Variants in ZPBP observed in about 807,000 individuals in gnomAD.
The protein encoded by ZPBP is zona pellucida-binding protein 1.
Under a neutral mutation model 44.8 loss-of-function variants are expected in ZPBP, and 26 were observed. That is an observed-to-expected ratio of 0.58 (90% CI 0.43 to 0.81). The LOEUF is 0.81. Among genes scored for constraint, ZPBP ranks in the 30% least tolerant of loss-of-function variants. The probability of loss-of-function intolerance (pLI) is 0.00; values close to 1 mark genes in which losing one functional copy is unlikely to be tolerated. For missense variants in ZPBP, 409 were observed against 434.0 expected (o/e 0.94, Z 0.51); for synonymous variants, 174 against 153.2 (o/e 1.14, Z -1.00).
At chr7:49,956,572 GAATCTAAC>G (rs1484700107) in intron 7 of ZPBP, among the ~76,000 whole-genome samples, 8 of 151,716 alleles carry the variant, frequency 5.3e-5, no homozygotes, top group African/African-American at 1.7e-4. Context: ...ATAACTACAT[GAATCTAAC>G]AACCATGTAT....
intron 7 of ZPBP, among the ~76,000 whole-genome samples, chr7:49,954,793 G>A (rs547917841): frequency 1.4e-4 from 22 of 152,144 alleles, no homozygotes; most frequent in African/African-American, 4.3e-4. Context: ...CAAACATTCC[G>A]TTCTCAAAAA....
At chr7:49,893,297 G>A (rs1406448623) in intron 2 of ZPBP, among the ~76,000 whole-genome samples, 1 of 152,192 alleles carries the variant, frequency 6.6e-6, no homozygotes, top group African/African-American at 2.4e-5. Context: ...GGAAGGAAGA[G>A]TATAAACTAC....
intron 7 of ZPBP, among the ~76,000 whole-genome samples, chr7:49,952,674 A>T (rs1317143354): frequency 6.6e-6 from 1 of 152,014 alleles, no homozygotes; most frequent in Non-Finnish European, 1.5e-5. Context: ...ATGGTTTACT[A>T]GACATAAAAG....
intron 2 of ZPBP, among the ~76,000 whole-genome samples, chr7:49,895,731 G>GTAT (rs1554341243): frequency 6.6e-6 from 1 of 151,528 alleles, no homozygotes. Context: ...TTTTCTGCCT[G>GTAT]CATATTTCTT....
Position 50,093,224 on chromosome 7 carries a change from C to T in ZPBP, c.-30G>A, listed in dbSNP as rs751140598. The stretch of plus-strand genomic sequence containing the variant: ...ACGCCGCCGTCGCCTGCCCACCGTC[C>T]GCGCGGAAGGTCGTTAGGCAACGCG... On this transcript the variant is annotated 5_prime_UTR_variant, in exon 1 of 8. Coordinates refer to ENST00000046087, the MANE Select transcript of ZPBP (RefSeq NM_007009.3). 8.7e-6 allele frequency: 13 copies of T among 1,500,932 alleles called. No individual in the cohort carries two copies. The East Asian group carries it at 1.1e-4, about 12-fold the overall frequency. 93.0% of individuals were successfully genotyped at this position (1,500,932 alleles called of 1,614,324 possible). A position where few individuals can be genotyped will look rare whatever the true frequency, so the allele number is the denominator to read the frequency against.
intron 4 of ZPBP, among the ~76,000 whole-genome samples, 186 bp from the exon 5 acceptor site, chr7:50,031,496 A>T (rs982055331): frequency 3.9e-5 from 6 of 152,194 alleles, no homozygotes; most frequent in Non-Finnish European, 8.8e-5. Flanking sequence ...ACTATGATAG[A>T]CACTTTACAA....
At chr7:49,935,156 C>T (rs946045604), downstream of ZPBP, among the ~76,000 whole-genome samples, 5 of 152,096 alleles carry the variant, frequency 3.3e-5, no homozygotes, top group African/African-American at 7.2e-5. Context: ...ACTCATAGAA[C>T]TTTAATGATC....
At chr7:49,977,087 G>C (rs1583955996) in intron 7 of ZPBP, among the ~76,000 whole-genome samples, 1 of 82,882 alleles carries the variant, frequency 1.2e-5, no homozygotes, top group Non-Finnish European at 2.3e-5. Flanking sequence ...GGGCGACAGA[G>C]CAAGACTCCG....
intron 2 of ZPBP, among the ~76,000 whole-genome samples, chr7:49,882,162 T>A (rs1336481409): frequency 2.0e-5 from 3 of 152,154 alleles, no homozygotes; most frequent in Admixed American, 6.5e-5. Context: ...AATCAATATT[T>A]GTTCTCTTCT....
chr7:49,994,745 G>A (rs1451065126), intron 6 of ZPBP, among the ~76,000 whole-genome samples: 3 of 152,162 alleles, frequency 2.0e-5, no homozygotes. Flanking sequence ...ATCCTTATCA[G>A]CCACTGATAC....
At chr7:49,877,948 G>A (rs1162701256) in intron 2 of ZPBP, among the ~76,000 whole-genome samples, 4 of 151,972 alleles carry the variant, frequency 2.6e-5, no homozygotes, top group Non-Finnish European at 4.4e-5. Context: ...TCATTTTGGG[G>A]TTTAGTGCCA....
chr7:49,971,920 A>C (rs1796317988), intron 7 of ZPBP, among the ~76,000 whole-genome samples: 1 of 152,088 alleles, frequency 6.6e-6, no homozygotes, highest in Non-Finnish European at 1.5e-5. Context: ...TATTTTCAGA[A>C]TGTATGAATG....
At chr7:49,923,753 C>T (rs185170307) in intron 1 of ZPBP, among the ~76,000 whole-genome samples, 3 of 152,148 alleles carry the variant, frequency 2.0e-5, no homozygotes, top group African/African-American at 4.8e-5. Context: ...ATATTTCTTT[C>T]GGTGAATTTC....
intron 6 of ZPBP, among the ~76,000 whole-genome samples, chr7:49,990,256 T>C (rs1384666709): frequency 6.6e-6 from 1 of 152,186 alleles, no homozygotes; most frequent in African/African-American, 2.4e-5. Flanking sequence ...ACTCAAAGGC[T>C]ACTGACAGCA....
chr7:49,840,866 A>C, the ZPBP span, among the ~76,000 whole-genome samples: 81 of 152,284 alleles, frequency 5.3e-4, no homozygotes, highest in African/African-American at 1.8e-3. Context: ...CCCCCGAGTC[A>C]GAGCTGTTGC....
intron 2 of ZPBP, among the ~76,000 whole-genome samples, chr7:49,886,073 G>T: frequency 6.6e-6 from 1 of 152,248 alleles, no homozygotes; most frequent in Non-Finnish European, 1.5e-5. Context: ...GGAGATAGGG[G>T]AGAGGTCCAG....
chr7:50,007,172 C>T (rs1166221744), intron 6 of ZPBP, among the ~76,000 whole-genome samples: 1 of 151,856 alleles, frequency 6.6e-6, no homozygotes. Context: ...GCATTTCTAG[C>T]CTCCAGAACT....
At chr7:49,988,285 T>C (rs1246507673) in intron 6 of ZPBP, among the ~76,000 whole-genome samples, 1 of 152,182 alleles carries the variant, frequency 6.6e-6, no homozygotes, top group Non-Finnish European at 1.5e-5. Flanking sequence ...GCCTCTAACA[T>C]ACTTAACAAG....
chr7:49,985,980 T>G (rs990375058), intron 6 of ZPBP, among the ~76,000 whole-genome samples: 1 of 152,212 alleles, frequency 6.6e-6, no homozygotes, highest in Non-Finnish European at 1.5e-5. Context: ...CCCTTTTTTT[T>G]CACTGAGAGC....
Sources: allele counts gnomAD v4.1 joint callset (sites outside exome capture counted in the v4.1 genomes callset), GRCh38; gene constraint gnomAD v4.1.1; transcripts MANE v1.5; gene names NCBI Gene and HGNC (gene_info 2026-07-23, HGNC 2026-07-21).